LEO1: variants seen among roughly 807,000 people sequenced by gnomAD.
LEO1 encodes RNA polymerase-associated protein LEO1.
LEO1 carries 34 observed loss-of-function variants against 80.4 expected under a neutral mutation model. That is an observed-to-expected ratio of 0.42 (90% CI 0.32 to 0.56). The LOEUF (loss-of-function observed/expected upper bound fraction) is 0.56, where lower values mean the gene tolerates loss of function less well. Ranked by LOEUF, LEO1 falls within the 20% of genes least tolerant of loss-of-function variation. The probability of loss-of-function intolerance (pLI) is 0.10; values close to 1 mark genes in which losing one functional copy is unlikely to be tolerated. For missense variants in LEO1, 631 were observed against 814.2 expected, an observed-to-expected ratio of 0.77 and a Z score of 2.74; for synonymous variants, 262 against 274.9, an observed-to-expected ratio of 0.95 and a Z score of 0.46.
intron 11 of LEO1, among the ~76,000 whole-genome samples, chr15:51,940,138 C>G (rs1055846740): frequency 6.6e-6 from 1 of 151,528 alleles, no homozygotes; most frequent in Non-Finnish European, 1.5e-5. Context: ...GCCTGTAATC[C>G]CAGCTACTCA....
At chr15:51,958,294 G>GA (rs11383313) in intron 6 of LEO1, among the ~76,000 whole-genome samples, 61,355 of 140,576 alleles carry the variant, frequency 0.44, 12,936 homozygotes, top group Admixed American at 0.52. Flanking sequence ...CATATCTACA[G>GA]AAAAAAAAAA....
At chr15:51,964,900 ATAGTC>A (rs1390516343) in intron 2 of LEO1, among the ~76,000 whole-genome samples, 2 of 152,294 alleles carry the variant, frequency 1.3e-5, no homozygotes, top group East Asian at 3.9e-4. Flanking sequence ...CTTGAGCAGA[ATAGTC>A]TAAATGGCAA....
chr15:51,938,785 A>G (rs2056822902), intron 11 of LEO1, among the ~76,000 whole-genome samples: 1 of 152,264 alleles, frequency 6.6e-6, no homozygotes, highest in Non-Finnish European at 1.5e-5. Context: ...ACGTTCTAAC[A>G]GAAACAAATA....
In LEO1 at chr15:51,965,908, C is replaced by G. The variant is rs147835501; in HGVS notation, c.655G>C (p.Ala219Pro). The G allele has an allele frequency of 6.2e-7, 1 of 1,614,142 alleles. No individual in the cohort carries two copies. The highest frequency in any genetic ancestry group is 1.1e-5 in the South Asian group (1 of 91,078). Residue 219 changes from alanine (A) to proline (P), a missense_variant, in exon 2 of 12, where the codon GCT (alanine) becomes CCT (proline). Physicochemically the swap from Ala to Pro is conservative, Grantham distance 27 (BLOSUM62 -1). This residue lies in a region of LEO1 where 394 missense variants were observed against 395.6 expected (regional missense o/e 1.00). Coordinates refer to ENST00000299601, the MANE Select transcript of LEO1 (RefSeq NM_138792.4). Reference sequence around the variant, plus strand: ...TGTTTCTCATCATCATTATCAGAAGCTACCGGCCGTTCATCATCAGAATTA... The same window carrying G: ...TGTTTCTCATCATCATTATCAGAAGGTACCGGCCGTTCATCATCAGAATTA... Reference protein sequence around the residue: ...KANSDDERPVASDNDDEKQNS... With the variant: ...KANSDDERPVPSDNDDEKQNS...
intron 3 of LEO1, 142 bp downstream of exon 3, chr15:51,962,245 TTC>T: frequency 4.2e-6 from 2 of 474,338 alleles, no homozygotes; most frequent in East Asian, 6.7e-5. Context: ...GCTATATAAC[TTC>T]TCTGAGTACA....
intron 6 of LEO1, among the ~76,000 whole-genome samples, chr15:51,957,160 A>G (rs1034404962): frequency 3.3e-5 from 5 of 152,186 alleles, no homozygotes; most frequent in South Asian, 2.1e-4. Context: ...CTGGTATCAC[A>G]TGGTCTAAAA....
rs1162950825 is a variant in LEO1, at chr15:51,947,480, A to G, written c.1799-91T>C. The stretch of plus-strand genomic sequence containing the variant: ...GCCCAGGCTGGAGTGCAGTGGCACA[A>G]TCATGGCTCACTGCAGCCTTGACCT... On this transcript the variant is annotated intron_variant, in intron 10 of 11. Coordinates refer to ENST00000299601, the MANE Select transcript of LEO1 (RefSeq NM_138792.4). 4 of 847,044 alleles carry G rather than the reference A, an allele frequency of 4.7e-6. No individual in the cohort carries two copies. The South Asian group carries it at 6.0e-5, about 13-fold the overall frequency. 52.5% of individuals were successfully genotyped at this position (847,044 alleles called of 1,614,324 possible).
chr15:51,966,192 T>A lies in LEO1; in HGVS notation c.371A>T (p.Asp124Val). 2 of 1,614,030 alleles carry A rather than the reference T, an allele frequency of 1.2e-6. No individual in the cohort carries two copies. The highest frequency in any genetic ancestry group is 2.2e-5 in the South Asian group (2 of 91,076). ...NDDEDEGHRS[D>V]GGSHHSEAEG... ...TGCTTCTGAATGATGGCTCCCTCCA[T>A]CCGATCTATGACCTTCGTCTTCATC... The change falls in exon 2 of 12, where the codon GAT becomes GTT. Residue 124 changes from aspartate to valine, a missense_variant. Coordinates refer to ENST00000299601, the MANE Select transcript of LEO1 (RefSeq NM_138792.4).
intron 6 of LEO1, among the ~76,000 whole-genome samples, chr15:51,957,220 A>C (rs1158769374): frequency 6.6e-6 from 1 of 152,202 alleles, no homozygotes; most frequent in African/African-American, 2.4e-5. Flanking sequence ...AGAAAGTAAG[A>C]AAAAGGAAAA....
At position 51,941,864 on chromosome 15, in the gene LEO1, T is replaced by C. The variant is rs111389927; in HGVS notation, c.1897-3604A>G. 9.8e-3 allele frequency among the ~76,000 whole-genome samples: 1,500 copies of C among 152,344 alleles called. 24 individuals are homozygous for C. Among genetic ancestry groups the C allele is most frequent in the African/African-American group, 0.035 (1,440 of 41,570 alleles). On this transcript the variant is annotated intron_variant, in intron 11 of 11. Transcript: ENST00000299601. ...CAACATTTTTACAAGACAGCGAGTA[T>C]AAACTCCATTGATCAGATGAGGAAA...
chr15:51,942,409 T>C (rs1240679040), intron 11 of LEO1, among the ~76,000 whole-genome samples: 1 of 149,946 alleles, frequency 6.7e-6, no homozygotes, highest in Non-Finnish European at 1.5e-5. Flanking sequence ...GGCTATCTGA[T>C]GGATCACTTA....
Position 51,947,396 on chromosome 15 carries a change from G to A in LEO1, c.1799-7C>T. On this transcript the variant is annotated splice_polypyrimidine_tract_variant and splice_region_variant and intron_variant, in intron 10 of 11. Coordinates refer to ENST00000299601, the MANE Select transcript of LEO1 (RefSeq NM_138792.4). ...TAGATTCTGGCTCGTTCCTCTGAAA[G>A]CAAAAGTACAGATTGTGAGTCACCT... 6.3e-7 allele frequency: 1 copy of A among 1,592,908 alleles called. No homozygotes were observed. Among genetic ancestry groups the A allele is most frequent in the Non-Finnish European group, 8.6e-7 (1 of 1,164,620 alleles).
intron 8 of LEO1, 75 bp downstream of exon 8, chr15:51,953,054 G>T: frequency 8.2e-7 from 1 of 1,215,582 alleles, no homozygotes; most frequent in Non-Finnish European, 1.2e-6. Context: ...TCAATCAGGT[G>T]GCAGGCATTA....
chr15:51,951,336 A>G (rs2056947210), intron 9 of LEO1, among the ~76,000 whole-genome samples: 1 of 152,268 alleles, frequency 6.6e-6, no homozygotes, highest in African/African-American at 2.4e-5. Flanking sequence ...ACAATGCCCC[A>G]AATAAACTTG....
At chr15:51,966,667 T>A (rs1239220241) in intron 1 of LEO1, among the ~76,000 whole-genome samples, 163 bp from the exon 2 acceptor site, 1 of 152,190 alleles carries the variant, frequency 6.6e-6, no homozygotes, top group Non-Finnish European at 1.5e-5. Context: ...TCCCAGCACT[T>A]TGGGAAGCCG....
chr15:51,958,194 G>A (rs1382511702), intron 6 of LEO1, among the ~76,000 whole-genome samples: 8 of 151,714 alleles, frequency 5.3e-5, no homozygotes, highest in African/African-American at 1.7e-4. Flanking sequence ...TAGCAATCAT[G>A]CCTGTAATCC....
chr15:51,954,123 C>A (rs1307931564), intron 7 of LEO1, among the ~76,000 whole-genome samples: 1 of 151,686 alleles, frequency 6.6e-6, no homozygotes, highest in African/African-American at 2.4e-5. Context: ...TGGGGTTTCA[C>A]CATCTTGGCC....
chr15:51,938,524 C>T (rs1011254971), intron 11 of LEO1, among the ~76,000 whole-genome samples: 2 of 152,238 alleles, frequency 1.3e-5, no homozygotes. Context: ...TTCTGCCTGT[C>T]TAACCACTGG....
chr15:51,963,590 T>C (rs2057049204), intron 2 of LEO1, among the ~76,000 whole-genome samples: 1 of 152,034 alleles, frequency 6.6e-6, no homozygotes, highest in Non-Finnish European at 1.5e-5. Flanking sequence ...AAAGATTCTT[T>C]CTGGTAACAG....
Sources: allele counts gnomAD v4.1 joint callset (sites outside exome capture counted in the v4.1 genomes callset), GRCh38; gene constraint gnomAD v4.1.1; regional missense constraint gnomAD v4.1.1; transcripts MANE v1.5; gene names NCBI Gene and HGNC (gene_info 2026-07-23, HGNC 2026-07-21).